The following TBX20 variants were observed in gnomAD, a reference collection of about 807,000 sequenced individuals.
The protein encoded by TBX20 is T-box transcription factor TBX20.
TBX20 carries 8 observed loss-of-function variants against 42.9 expected under a neutral mutation model. The observed-to-expected ratio is 0.19, with a 90% confidence interval of 0.11 to 0.34. The LOEUF (loss-of-function observed/expected upper bound fraction) is 0.34, where lower values mean the gene tolerates loss of function less well. TBX20 is among the 10% of genes least tolerant of loss of function. TBX20 has a pLI of 1.00. For synonymous variants in TBX20, 198 were observed against 222.8 expected, an observed-to-expected ratio of 0.89 and a Z score of 0.99; for missense variants, 411 against 566.0, an observed-to-expected ratio of 0.73 and a Z score of 2.78.
intron 4 of TBX20, among the ~76,000 whole-genome samples, chr7:35,242,551 GAATTTTC>G (rs1790103757): frequency 6.6e-6 from 1 of 152,106 alleles, no homozygotes; most frequent in South Asian, 2.1e-4. Flanking sequence ...AAGATAGGAA[GAATTTTC>G]AAATCACACC....
At chr7:35,240,337 T>TA (rs1183180965) in intron 5 of TBX20, among the ~76,000 whole-genome samples, 1 of 152,216 alleles carries the variant, frequency 6.6e-6, no homozygotes, top group African/African-American at 2.4e-5. Context: ...ACCCTGCATA[T>TA]AACTCAATAA....
intron 7 of TBX20, 137 bp from the exon 8 acceptor site, chr7:35,202,907 T>G: frequency 6.7e-7 from 1 of 1,487,402 alleles, no homozygotes; most frequent in Middle Eastern, 2.4e-4. Flanking sequence ...ACATATGAGA[T>G]CTGTCACGAG....
chr7:35,240,041 C>T (rs1790045526), intron 5 of TBX20, among the ~76,000 whole-genome samples: 1 of 152,152 alleles, frequency 6.6e-6, no homozygotes, highest in African/African-American at 2.4e-5. Context: ...TGTGCCACCG[C>T]ACCTGGCCAA....
chr7:35,225,313 A>T (rs1376221763), intron 6 of TBX20, among the ~76,000 whole-genome samples: 1 of 151,964 alleles, frequency 6.6e-6, no homozygotes, highest in Non-Finnish European at 1.5e-5. Flanking sequence ...TTGCCACATT[A>T]AAAAAAATAC....
chr7:35,252,863 C>A (rs936973231), intron 1 of TBX20, among the ~76,000 whole-genome samples: 4 of 152,140 alleles, frequency 2.6e-5, no homozygotes, highest in Non-Finnish European at 5.9e-5. Flanking sequence ...GGTTGTTAAA[C>A]AAACAACATA....
At chr7:35,207,852 G>C (rs3906304) in intron 6 of TBX20, among the ~76,000 whole-genome samples, 1 of 152,086 alleles carries the variant, frequency 6.6e-6, no homozygotes, top group Non-Finnish European at 1.5e-5. Flanking sequence ...GAATAAAAGT[G>C]TTAGAACTTT....
intron 6 of TBX20, among the ~76,000 whole-genome samples, chr7:35,227,725 T>C (rs1038503331): frequency 2.0e-5 from 3 of 152,108 alleles, no homozygotes; most frequent in African/African-American, 4.8e-5. Context: ...TGACTATACA[T>C]CTTTCCACTT....
chr7:35,219,229 G>A (rs1207113219), intron 6 of TBX20, among the ~76,000 whole-genome samples: 3 of 151,990 alleles, frequency 2.0e-5, no homozygotes. Flanking sequence ...GTGGGAGCAG[G>A]GGGCAGAAAA....
intron 6 of TBX20, among the ~76,000 whole-genome samples, chr7:35,210,114 CTTTTT>C (rs1254082002): frequency 7.8e-6 from 1 of 127,624 alleles, no homozygotes. Context: ...ATAATATTTT[CTTTTT>C]TTTTTTTTTT....
At chr7:35,243,711 G>C (rs1415368888) in intron 4 of TBX20, among the ~76,000 whole-genome samples, 11 of 151,064 alleles carry the variant, frequency 7.3e-5, no homozygotes, top group African/African-American at 2.4e-4. Context: ...AAAAACAAAA[G>C]AAAATTATGC....
rs201319089 is a variant in TBX20 at position 35,245,089 on chromosome 7, C to A, written c.546-32G>T. The A allele has an allele frequency of 2.0e-6, 3 of 1,474,888 alleles. No homozygotes were observed. The East Asian group carries it at 6.9e-5, about 34-fold the overall frequency. 91.4% of individuals were successfully genotyped at this position (1,474,888 alleles called of 1,614,324 possible). On this transcript the variant is annotated intron_variant, in intron 3 of 7. Transcript: ENST00000408931. ...AAATTAGGAGAAAACTTTATTGAGA[C>A]TTCTTTAAAAAGTCTGTCTCTGTAG...
At chr7:35,207,805 T>C (rs1275220349) in intron 6 of TBX20, among the ~76,000 whole-genome samples, 2 of 152,224 alleles carry the variant, frequency 1.3e-5, no homozygotes, top group African/African-American at 4.8e-5. Context: ...TTCGTGGAAC[T>C]TGACACCAAA....
At chr7:35,208,862 T>C (rs903519142) in intron 6 of TBX20, among the ~76,000 whole-genome samples, 2 of 151,686 alleles carry the variant, frequency 1.3e-5, no homozygotes, top group Non-Finnish European at 2.9e-5. Context: ...TCATTCTAGG[T>C]TTTTTGTACA....
intron 6 of TBX20, among the ~76,000 whole-genome samples, chr7:35,223,173 T>G (rs1789712450): frequency 2.6e-5 from 4 of 152,158 alleles, no homozygotes; most frequent in African/African-American, 9.7e-5. Context: ...ACTACAAGTT[T>G]TTCGGCCAGA....
At chr7:35,222,524 C>G (rs1179716546) in intron 6 of TBX20, among the ~76,000 whole-genome samples, 1 of 152,114 alleles carries the variant, frequency 6.6e-6, no homozygotes, top group East Asian at 1.9e-4. Context: ...TGCAGCTATT[C>G]TGTATGCTGT....
intron 6 of TBX20, among the ~76,000 whole-genome samples, chr7:35,228,180 G>A (rs1789808764): frequency 6.6e-6 from 1 of 151,920 alleles, no homozygotes; most frequent in Non-Finnish European, 1.5e-5. Context: ...GTAAAGATAT[G>A]TATTTTCCTC....
chr7:35,208,740 C>T (rs1789442784), intron 6 of TBX20, among the ~76,000 whole-genome samples: 1 of 42,002 alleles, frequency 2.4e-5, no homozygotes, highest in African/African-American at 1.1e-4. Context: ...GAAACTCCGT[C>T]TCAAAAAAAA....
chr7:35,223,302 G>A (rs1789714887), intron 6 of TBX20, among the ~76,000 whole-genome samples: 1 of 152,172 alleles, frequency 6.6e-6, no homozygotes, highest in Non-Finnish European at 1.5e-5. Flanking sequence ...TGCTCTTAGG[G>A]GGACAGGGAA....
intron 3 of TBX20, among the ~76,000 whole-genome samples, chr7:35,245,318 G>GT (rs1562566577): frequency 5.0e-4 from 56 of 112,436 alleles, no homozygotes; most frequent in African/African-American, 1.9e-3. Context: ...TTGTTTAAAG[G>GT]GGTGTGTGTG....
Sources: allele counts gnomAD v4.1 joint callset (sites outside exome capture counted in the v4.1 genomes callset), GRCh38; gene constraint gnomAD v4.1.1; transcripts MANE v1.5; gene names NCBI Gene and HGNC (gene_info 2026-07-23, HGNC 2026-07-21).